Variants in NREP observed in about 807,000 individuals in gnomAD.
NREP encodes neuronal regeneration-related protein.
NREP carries 5 observed loss-of-function variants against 8.6 expected under a neutral mutation model. The observed-to-expected ratio is 0.58, with a 90% CI of 0.30 to 1.22. NREP has a LOEUF of 1.22. Ranked by LOEUF, NREP falls within the 50% of genes most tolerant of loss-of-function variation. The pLI, the probability that NREP is intolerant of heterozygous loss-of-function variation, is 0.07. For missense variants in NREP, 86 were observed against 82.5 expected, an observed-to-expected ratio of 1.04 and a Z score of -0.17; for synonymous variants, 27 against 28.0, an observed-to-expected ratio of 0.96 and a Z score of 0.11.
chr5:111,896,092 AG>A (rs1266716839), intron 2 of NREP, among the ~76,000 whole-genome samples: 3 of 152,222 alleles, frequency 2.0e-5, no homozygotes, highest in African/African-American at 7.2e-5. Context: ...AGATCATCTT[AG>A]CTGTTAAACA....
chr5:111,825,750 T>A lies in NREP; in HGVS notation c.136-90243A>T, dbSNP rs191814558. 1.4e-3 allele frequency among the ~76,000 whole-genome samples: 206 copies of A among 152,212 alleles called. 1 individual carries two copies. The Middle Eastern group carries it at 0.014, about 10-fold the overall frequency. On this transcript the variant is annotated intron_variant, in intron 2 of 3. Transcript: ENST00000395634. Reference sequence around the variant, plus strand: ...GCATGCTTAGGTATAAACACAACTATCTACCATCACAGTGGTTCCAGGAGA... The same window carrying A: ...GCATGCTTAGGTATAAACACAACTAACTACCATCACAGTGGTTCCAGGAGA...
In NREP at chr5:111,852,847, T is replaced by G. The variant is rs1753343106; in HGVS notation, c.136-117340A>C. Among the ~76,000 whole-genome samples, 4 of 152,196 alleles carry G rather than the reference T, an allele frequency of 2.6e-5. No homozygotes were observed. The South Asian group carries it at 8.3e-4, about 31-fold the overall frequency. ...ATCACTAAGGTTCAAATCTTGGCTC[T>G]GCCACTTTAGTCCTGTGTGACCTTG... On this transcript the variant is annotated intron_variant, in intron 2 of 3. Transcript: ENST00000395634.
At chr5:111,921,589 T>C (rs752117198) in intron 2 of NREP, among the ~76,000 whole-genome samples, 3 of 152,196 alleles carry the variant, frequency 2.0e-5, no homozygotes, top group Admixed American at 6.5e-5. Flanking sequence ...TTGTATAGTA[T>C]CAATGGTTCG....
At chr5:111,952,051 T>G (rs1756175697) in intron 2 of NREP, among the ~76,000 whole-genome samples, 1 of 152,160 alleles carries the variant, frequency 6.6e-6, no homozygotes, top group South Asian at 2.1e-4. Context: ...CTGTATCATG[T>G]GGACAAAGTT....
chr5:111,905,681 TA>T (rs556502971), intron 2 of NREP, among the ~76,000 whole-genome samples: 1 of 152,068 alleles, frequency 6.6e-6, no homozygotes, highest in Non-Finnish European at 1.5e-5. Context: ...GTGCTGTTGG[TA>T]AAAAAACCAA....
At chr5:111,757,406 G>C (rs1432790808), upstream of NREP, 4 of 969,628 alleles carry the variant, frequency 4.1e-6, no homozygotes, top group African/African-American at 5.3e-5. Flanking sequence ...GAGTGTGTGT[G>C]TCTCTCTCTT....
intron 2 of NREP, chr5:111,912,364 A>C (rs1356581288): frequency 6.6e-6 from 1 of 152,084 alleles, no homozygotes; most frequent in Non-Finnish European, 1.5e-5. Flanking sequence ...CACTTCATCC[A>C]CCCTGCACCT....
chr5:111,835,753 A>G (rs1232849194), intron 2 of NREP, among the ~76,000 whole-genome samples: 4 of 152,050 alleles, frequency 2.6e-5, no homozygotes, highest in African/African-American at 7.2e-5. Flanking sequence ...GAGCCTGTTT[A>G]TATGCTGAGT....
chr5:111,869,865 C>T (rs1291197327), intron 2 of NREP, among the ~76,000 whole-genome samples: 1 of 152,102 alleles, frequency 6.6e-6, no homozygotes, highest in African/African-American at 2.4e-5. Context: ...AGAAATGACT[C>T]GTATGAATGA....
At chr5:111,913,548 G>C (rs1259166110) in intron 2 of NREP, among the ~76,000 whole-genome samples, 4 of 152,002 alleles carry the variant, frequency 2.6e-5, no homozygotes, top group Non-Finnish European at 1.5e-5. Flanking sequence ...CATAGTTCAG[G>C]GTCCTAAGTG....
chr5:111,770,776 C>A (rs1393426560), intron 2 of NREP, among the ~76,000 whole-genome samples: 1 of 151,740 alleles, frequency 6.6e-6, no homozygotes, highest in Non-Finnish European at 1.5e-5. Context: ...CACCGTGTTG[C>A]CCAGGCTGGT....
rs140593861 is a variant in NREP at position 111,906,484 on chromosome 5, TTACTC to T, written c.135+68785_135+68789del. On this transcript the variant is annotated intron_variant, in intron 2 of 3. Coordinates refer to the NREP transcript ENST00000395634. ...AGTGCTTTATAATGATGTATCCAAATTACTCTATTTTAATGCAAAATTGCTATGCT... is the reference window on the plus strand; with the variant it reads ...AGTGCTTTATAATGATGTATCCAAATTATTTTAATGCAAAATTGCTATGCT... Among the ~76,000 whole-genome samples the T allele has an allele frequency of 4.3e-3, 652 of 152,188 alleles. 9 individuals carry two copies. The highest frequency in any genetic ancestry group is 0.015 in the African/African-American group (622 of 41,548).
chr5:111,880,315 C>T (rs1754021047), intron 2 of NREP, among the ~76,000 whole-genome samples: 1 of 152,174 alleles, frequency 6.6e-6, no homozygotes, highest in Non-Finnish European at 1.5e-5. Flanking sequence ...TAAGTATATT[C>T]ATTTTCCAGA....
At chr5:111,765,536 T>C (rs1477521263) in intron 2 of NREP, among the ~76,000 whole-genome samples, 1 of 152,240 alleles carries the variant, frequency 6.6e-6, no homozygotes, top group Non-Finnish European at 1.5e-5. Context: ...GTATCCTTAC[T>C]TCACAGATGA....
chr5:111,836,131 C>T (rs1270644612), intron 2 of NREP, among the ~76,000 whole-genome samples: 1 of 152,124 alleles, frequency 6.6e-6, no homozygotes, highest in Non-Finnish European at 1.5e-5. Flanking sequence ...ATGAACTAGA[C>T]ACTGATTCTC....
At chr5:111,815,624 T>C (rs956669060) in intron 2 of NREP, among the ~76,000 whole-genome samples, 1 of 151,834 alleles carries the variant, frequency 6.6e-6, no homozygotes, top group African/African-American at 2.4e-5. Flanking sequence ...TATAAAGAAT[T>C]AAAATAAGAC....
chr5:111,927,410 G>A (rs1755418870), intron 2 of NREP, among the ~76,000 whole-genome samples: 1 of 152,110 alleles, frequency 6.6e-6, no homozygotes, highest in Non-Finnish European at 1.5e-5. Flanking sequence ...GTGAAAGGAT[G>A]GGTGGCATGA....
intron 2 of NREP, among the ~76,000 whole-genome samples, chr5:111,930,966 T>C (rs1436723716): frequency 6.6e-6 from 1 of 152,108 alleles, no homozygotes; most frequent in African/African-American, 2.4e-5. Flanking sequence ...ACTTATGCCA[T>C]CATTGTGCAT....
intron 2 of NREP, among the ~76,000 whole-genome samples, chr5:111,904,059 T>C (rs35986445): frequency 0.13 from 20,064 of 152,174 alleles, 1,726 homozygotes; most frequent in Non-Finnish European, 0.19. Context: ...TAATACACTA[T>C]TTTTGGAGTA....
Sources: allele counts gnomAD v4.1 joint callset (sites outside exome capture counted in the v4.1 genomes callset), GRCh38; gene constraint gnomAD v4.1.1; transcripts MANE v1.5; gene names NCBI Gene and HGNC (gene_info 2026-07-23, HGNC 2026-07-21).